Variants in GLI3 observed in about 807,000 individuals in gnomAD.
The protein encoded by GLI3 is GLI family zinc finger 3.
A neutral mutation model predicts 100.8 loss-of-function variants in GLI3; 20 were observed. The ratio of observed to expected loss-of-function variants is 0.20; its 90% CI spans 0.14 to 0.29. The LOEUF is 0.29. Ranked by LOEUF, GLI3 falls within the 10% of genes least tolerant of loss-of-function variation. The pLI, the probability that GLI3 is intolerant of heterozygous loss-of-function variation, is 1.00. For synonymous variants in GLI3, 938 were observed against 860.5 expected (o/e 1.09, Z -1.58); for missense variants, 2,040 against 2,128.5 (o/e 0.96, Z 0.82).
chr7:41,969,678 A>G (rs1025658345), intron 13 of GLI3, among the ~76,000 whole-genome samples: 3 of 152,262 alleles, frequency 2.0e-5, no homozygotes, highest in African/African-American at 7.2e-5. Context: ...GAGTGTGTGC[A>G]GACATGAACT....
At chr7:41,977,501 C>T (rs2128712187) in intron 12 of GLI3, 57 bp downstream of exon 12, 1 of 1,566,642 alleles carries the variant, frequency 6.4e-7, no homozygotes, top group East Asian at 2.2e-5. Context: ...CATGTGCCTT[C>T]CCCGGGATAG....
chr7:42,048,679 C>T lies in GLI3; in HGVS notation c.491G>A (p.Ser164Asn), dbSNP rs751184252. ...GGGCAGGTCCGGATACGTAGGGCTA[C>T]TAGATAAGGCGGAAGTCCTGGGTAC... Reference protein sequence around the residue: ...PPLHMTSALSSSPTYPDLPFI... With the variant: ...PPLHMTSALSNSPTYPDLPFI... The change falls in exon 5 of 15, where the codon AGT becomes AAT. Residue 164 changes from serine to asparagine, a missense_variant. Physicochemically the swap from Ser to Asn is conservative, Grantham distance 46 (BLOSUM62 1). Around this residue, in one of 5 missense-constraint regions of GLI3, gnomAD observed 603 missense variants for 690.9 expected, o/e 0.87. Transcript: ENST00000395925. 10 of 1,609,468 alleles carry T rather than the reference C, an allele frequency of 6.2e-6. No individual in the cohort carries two copies. In the Admixed American group the frequency reaches 8.4e-5, roughly 14 times the overall value.
intron 2 of GLI3, among the ~76,000 whole-genome samples, chr7:42,150,374 T>C (rs1173818732): frequency 6.6e-6 from 1 of 152,134 alleles, no homozygotes; most frequent in Non-Finnish European, 1.5e-5. Flanking sequence ...TAGCAGAAAA[T>C]TCACAGTCTA....
intron 2 of GLI3, chr7:42,152,447 T>C (rs1786895763): frequency 2.0e-6 from 2 of 984,514 alleles, no homozygotes; most frequent in South Asian, 4.7e-5. Flanking sequence ...ATTCTCGGTA[T>C]CTCTCTGCCT....
chr7:41,971,605 C>G (rs776257113), intron 13 of GLI3, among the ~76,000 whole-genome samples: 6 of 152,326 alleles, frequency 3.9e-5, no homozygotes, highest in Non-Finnish European at 8.8e-5. Context: ...CCAGATCCCT[C>G]TCTCATGCTC....
At chr7:42,133,910 C>G (rs796592157) in intron 3 of GLI3, among the ~76,000 whole-genome samples, 5 of 151,756 alleles carry the variant, frequency 3.3e-5, no homozygotes, top group African/African-American at 1.2e-4. Context: ...GGTGAAACAC[C>G]GTATCTACTA....
intron 3 of GLI3, among the ~76,000 whole-genome samples, chr7:42,142,527 T>A (rs553976271): frequency 1.3e-5 from 2 of 152,334 alleles, no homozygotes; most frequent in Admixed American, 1.3e-4. Flanking sequence ...TTTTTCTAAA[T>A]GCTACAGGGA....
intron 4 of GLI3, among the ~76,000 whole-genome samples, chr7:42,062,444 A>G (rs1784588269): frequency 1.3e-5 from 2 of 151,950 alleles, no homozygotes; most frequent in Admixed American, 1.3e-4. Flanking sequence ...CTTTGATACT[A>G]CTCCCAGGAG....
intron 7 of GLI3, among the ~76,000 whole-genome samples, chr7:42,032,110 A>T (rs1384962434): frequency 6.6e-6 from 1 of 152,216 alleles, no homozygotes; most frequent in African/African-American, 2.4e-5. Flanking sequence ...AGGGCTAAAC[A>T]GAGTACAGGT....
intron 3 of GLI3, among the ~76,000 whole-genome samples, chr7:42,124,084 A>G (rs1350900040): frequency 1.3e-5 from 2 of 151,990 alleles, no homozygotes; most frequent in Admixed American, 1.3e-4. Flanking sequence ...CTTGCCTTCC[A>G]TTATTTACTC....
At chr7:42,013,110 T>C (rs1269908069) in intron 10 of GLI3, among the ~76,000 whole-genome samples, 2 of 152,258 alleles carry the variant, frequency 1.3e-5, no homozygotes, top group African/African-American at 4.8e-5. Flanking sequence ...GGTGCAGTTT[T>C]GTTTTCCTGA....
intron 12 of GLI3, among the ~76,000 whole-genome samples, chr7:41,974,346 G>C (rs528323605): frequency 6.6e-5 from 10 of 152,180 alleles, no homozygotes; most frequent in African/African-American, 2.2e-4. Context: ...CAAGAATACA[G>C]GTTCAGGAAA....
chr7:42,027,739 T>C (rs770056416), intron 7 of GLI3, among the ~76,000 whole-genome samples: 2 of 152,218 alleles, frequency 1.3e-5, no homozygotes, highest in Non-Finnish European at 2.9e-5. Flanking sequence ...AAGAATACCC[T>C]AGGAGAATTT....
In GLI3 at chr7:42,050,003, G is replaced by C. The variant is rs528918414; in HGVS notation, c.474-1307C>G. 8.1e-4 allele frequency among the ~76,000 whole-genome samples: 124 copies of C among 152,276 alleles called. 1 individual carries two copies. Among genetic ancestry groups the C allele is most frequent in the African/African-American group, 2.8e-3 (118 of 41,544 alleles). On this transcript the variant is annotated intron_variant, in intron 4 of 14. Coordinates refer to ENST00000395925, the MANE Select transcript of GLI3 (RefSeq NM_000168.6). ...CAGCCCGGCCCCCATCACCCTGTCA[G>C]AATATAATCTTGGTAAAAGCCAGCT...
chr7:42,113,695 T>C (rs62443791), intron 3 of GLI3: 191,204 of 716,072 alleles, frequency 0.27, 27,406 homozygotes, highest in Middle Eastern at 0.34. Flanking sequence ...TTATCAAGTT[T>C]TATAAAAATG....
intron 3 of GLI3, among the ~76,000 whole-genome samples, chr7:42,140,930 A>ATCC (rs1456353404): frequency 1.3e-5 from 2 of 152,144 alleles, no homozygotes; most frequent in Non-Finnish European, 1.5e-5. Flanking sequence ...TCTAGGAGGG[A>ATCC]AGGAAGGAAG....
chr7:42,133,785 A>T lies in GLI3; in HGVS notation c.367+14441T>A, dbSNP rs886939366. Reference sequence around the variant, plus strand: ...TGCACCATTACCAAAAGGAAAAAAAAATTAAGAACATCCTAGCTGGGCGTG... The same window carrying T: ...TGCACCATTACCAAAAGGAAAAAAATATTAAGAACATCCTAGCTGGGCGTG... On this transcript the variant is annotated intron_variant, in intron 3 of 14. Transcript: ENST00000395925. Among the ~76,000 whole-genome samples, 6 of 152,086 alleles carry T rather than the reference A, an allele frequency of 3.9e-5. No homozygotes were observed. In the East Asian group the frequency reaches 9.6e-4, roughly 24 times the overall value.
chr7:42,253,105 G>A (rs1323075593), intron 1 of GLI3, among the ~76,000 whole-genome samples: 2 of 152,196 alleles, frequency 1.3e-5, no homozygotes, highest in East Asian at 1.9e-4. Flanking sequence ...TAGGGCAGAC[G>A]CCTTGTAGCT....
At chr7:42,028,759 G>A (rs1340336773) in intron 7 of GLI3, among the ~76,000 whole-genome samples, 4 of 142,694 alleles carry the variant, frequency 2.8e-5, no homozygotes, top group Non-Finnish European at 4.5e-5. Flanking sequence ...GCAAGACTCC[G>A]TCTCAAAAAT....
Sources: allele counts gnomAD v4.1 joint callset (sites outside exome capture counted in the v4.1 genomes callset), GRCh38; gene constraint gnomAD v4.1.1; regional missense constraint gnomAD v4.1.1; transcripts MANE v1.5; gene names NCBI Gene and HGNC (gene_info 2026-07-23, HGNC 2026-07-21).